NCOR2: variants seen among roughly 807,000 people sequenced by gnomAD.
The protein encoded by NCOR2 is CTG repeat protein 26.
Under a neutral mutation model 262.9 loss-of-function variants are expected in NCOR2, and 81 were observed. The observed-to-expected ratio is 0.31, with a 90% CI of 0.26 to 0.37. The LOEUF is 0.37. Ranked by LOEUF, NCOR2 falls within the 10% of genes least tolerant of loss-of-function variation. The probability of loss-of-function intolerance (pLI) is 1.00; values close to 1 mark genes in which losing one functional copy is unlikely to be tolerated. For synonymous variants in NCOR2, 1,659 were observed against 1,559.3 expected, an observed-to-expected ratio of 1.06 and a Z score of -1.51; for missense variants, 3,385 against 3,621.4, an observed-to-expected ratio of 0.93 and a Z score of 1.68.
At position 124,385,764 on chromosome 12, in the gene NCOR2, T is replaced by C. The variant is rs1565897083; in HGVS notation, c.2000A>G (p.Gln667Arg). 4.3e-6 allele frequency: 7 copies of C among 1,613,922 alleles called. No homozygotes were observed. Among genetic ancestry groups the C allele is most frequent in the Non-Finnish European group, 5.9e-6 (7 of 1,179,980 alleles). The change falls in exon 17 of 47, where the codon CAG (glutamine) becomes CGG (arginine). Residue 667 changes from glutamine (Q) to arginine (R), a missense_variant. By Grantham distance (43) the Gln-to-Arg change is conservative. This residue lies in a region of NCOR2 where 515 missense variants were observed against 781.2 expected (regional missense o/e 0.66). Coordinates refer to ENST00000405201, the Ensembl canonical transcript of NCOR2. Reference sequence around the variant, plus strand: ...GCTCACCATCTTCAGCTTGTGCTGCTGCAAGATCTCATCGAGGTTCTGCCT... The same window carrying C: ...GCTCACCATCTTCAGCTTGTGCTGCCGCAAGATCTCATCGAGGTTCTGCCT...
At position 124,342,995 on chromosome 12, in the gene NCOR2, G is replaced by C; in HGVS notation, c.4936+10C>G. On this transcript the variant is annotated intron_variant, in intron 33 of 46. Transcript: ENST00000405201. ...CCACTGCAGGGTTCTGGGAGCCCCA[G>C]GGCAATCACCTGCGTCCAGAGGGAT... 1 of 1,610,052 alleles carries C rather than the reference G, an allele frequency of 6.2e-7. No homozygotes were observed. The highest frequency in any genetic ancestry group is 1.1e-5 in the South Asian group (1 of 90,912).
rs376296357 is a variant in NCOR2 at position 124,483,319 on chromosome 12, G to A, written c.411+277C>T. Among the ~76,000 whole-genome samples the A allele has an allele frequency of 1.2e-4, 18 of 151,992 alleles. No individual in the cohort carries two copies. Among genetic ancestry groups the A allele is most frequent in the Admixed American group, 5.2e-4 (8 of 15,274 alleles). On this transcript the variant is annotated intron_variant, in intron 3 of 46. Coordinates refer to ENST00000405201, the Ensembl canonical transcript of NCOR2. The surrounding 1 kb of genome is among the most constrained non-coding windows in gnomAD (Gnocchi z 6.3). ...TCCCCTCCCTCACGCCAGCTACCCCGTGACCACAAGCCTATTCCTGCCCCA... is the reference window on the plus strand; with the variant it reads ...TCCCCTCCCTCACGCCAGCTACCCCATGACCACAAGCCTATTCCTGCCCCA...
Position 124,479,400 on chromosome 12 carries a change from C to A in NCOR2, c.411+4196G>T, listed in dbSNP as rs191766562. 3.9e-5 allele frequency among the ~76,000 whole-genome samples: 6 copies of A among 152,062 alleles called. No individual in the cohort carries two copies. The East Asian group carries it at 1.2e-3, about 29-fold the overall frequency. ...ACACACACAAACACGCATGGACACA[C>A]GCACGCACACACAGGTACATGCACG... On this transcript the variant is annotated intron_variant, in intron 3 of 46. Coordinates refer to ENST00000405201, the Ensembl canonical transcript of NCOR2.
chr12:124,513,432 A>G (rs1479654672), intron 1 of NCOR2: 1 of 152,232 alleles, frequency 6.6e-6, no homozygotes, highest in Non-Finnish European at 1.5e-5. Flanking sequence ...GCCAGTTCTG[A>G]GCCAGATCCC....
At chr12:124,342,849 T>G (rs1490221587) in intron 33 of NCOR2, among the ~76,000 whole-genome samples, 156 bp downstream of exon 35, 1 of 152,216 alleles carries the variant, frequency 6.6e-6, no homozygotes, top group African/African-American at 2.4e-5. Context: ...CCTAAGCTCA[T>G]GATTACACTG....
chr12:124,388,530 G>A (rs1016304771), intron 16 of NCOR2, among the ~76,000 whole-genome samples: 7 of 152,126 alleles, frequency 4.6e-5, no homozygotes, highest in Non-Finnish European at 1.0e-4. Flanking sequence ...AGAGGAGAGG[G>A]CATGGGGGAA....
chr12:124,402,437 G>A lies in NCOR2; in HGVS notation c.1607C>T (p.Pro536Leu), dbSNP rs200279477. ...GTCTTCCTTGTCGTTCTCCACCTCC[G>A]GCTTCTCCTCCTCCTTCTCCGCCTC... Residue 536 changes from proline (P) to leucine (L), a missense_variant, in exon 14 of 47, where the codon CCG becomes CTG. This residue lies in a region of NCOR2 where 515 missense variants were observed against 781.2 expected (regional missense o/e 0.66). Transcript: ENST00000405201. The A allele has an allele frequency of 3.5e-4, 568 of 1,613,978 alleles. 2 individuals are homozygous for A. The Middle Eastern group carries it at 4.8e-3, about 14-fold the overall frequency.
intron 13 of NCOR2, among the ~76,000 whole-genome samples, chr12:124,403,771 G>A (rs1444293520): frequency 1.3e-5 from 2 of 152,120 alleles, no homozygotes; most frequent in African/African-American, 4.8e-5. Flanking sequence ...CGCACACAAC[G>A]CTCTCTCCAG....
At chr12:124,372,073 G>A in exon 20 of NCOR2, 1 of 1,604,322 alleles carries the variant, frequency 6.2e-7, no homozygotes, top group Non-Finnish European at 8.5e-7. Flanking sequence ...ACTGCAGGTA[G>A]CACTGGAGTC....
intron 1 of NCOR2, among the ~76,000 whole-genome samples, chr12:124,506,590 G>A (rs1292351915): frequency 1.3e-5 from 2 of 148,538 alleles, no homozygotes; most frequent in Non-Finnish European, 3.0e-5. Flanking sequence ...GAGAAGCCCT[G>A]CACGGGGAGC....
chr12:124,455,142 A>C (rs1339672735), intron 6 of NCOR2, among the ~76,000 whole-genome samples: 1 of 152,214 alleles, frequency 6.6e-6, no homozygotes, highest in African/African-American at 2.4e-5. Context: ...AGATGATGGA[A>C]TGTTCTAAAA....
Position 124,327,325 on chromosome 12 carries a change from G to A in NCOR2, c.7183+84C>T, listed in dbSNP as rs1486565949. On this transcript the variant is annotated intron_variant, in intron 45 of 46. Coordinates refer to ENST00000405201, the Ensembl canonical transcript of NCOR2. ...ACAAGCTCCAAAGCTCGAGGAGGGGGTTGTCAGAGGAGCGCGGAGGAGCGA... is the reference window on the plus strand; with the variant it reads ...ACAAGCTCCAAAGCTCGAGGAGGGGATTGTCAGAGGAGCGCGGAGGAGCGA... 5.5e-6 allele frequency: 6 copies of A among 1,091,652 alleles called. No homozygotes were observed. The East Asian group carries it at 1.0e-4, about 19-fold the overall frequency. 67.6% of individuals were successfully genotyped at this position (1,091,652 alleles called of 1,614,324 possible). A position where few individuals can be genotyped will look rare whatever the true frequency, so the allele number is the denominator to read the frequency against.
chr12:124,337,134 G>T (rs780495645), exon 38 of NCOR2: 1 of 1,515,162 alleles, frequency 6.6e-7, no homozygotes, highest in East Asian at 2.4e-5. Flanking sequence ...TGGGTGGCAG[G>T]TGGGAATGTG....
chr12:124,515,719 GGTGT>G (rs1050684413), intron 1 of NCOR2, among the ~76,000 whole-genome samples: 3 of 151,424 alleles, frequency 2.0e-5, no homozygotes, highest in Non-Finnish European at 3.0e-5. Flanking sequence ...CTGTGTGTAT[GGTGT>G]GTATGTTCAC....
chr12:124,374,544 G>A, intron 18 of NCOR2, 81 bp from the exon 21 acceptor site: 2 of 1,356,770 alleles, frequency 1.5e-6, no homozygotes, highest in Middle Eastern at 1.8e-4. Context: ...GTGGCCAAGA[G>A]GGGCCTGAAG....
intron 1 of NCOR2, among the ~76,000 whole-genome samples, chr12:124,532,588 C>T (rs976319692): frequency 2.6e-5 from 4 of 152,200 alleles, no homozygotes; most frequent in Non-Finnish European, 4.4e-5. Context: ...TGGATCGCCC[C>T]GGCAGAGGAA....
chr12:124,473,178 C>T (rs779676347), intron 3 of NCOR2, 47 bp from the exon 6 acceptor site: 21 of 1,602,188 alleles, frequency 1.3e-5, no homozygotes, highest in Non-Finnish European at 1.8e-5. Context: ...GGGGACACCC[C>T]CCAGTCTGTA....
At chr12:124,400,751 TTAGC>T in intron 14 of NCOR2, 78 bp from the exon 17 acceptor site, 11 of 1,542,148 alleles carry the variant, frequency 7.1e-6, no homozygotes, top group Non-Finnish European at 8.9e-6. Flanking sequence ...GACTGTTTCT[TTAGC>T]TGGATTTGCA....
chr12:124,341,731 G>A (rs2036478038), intron 34 of NCOR2, 92 bp downstream of exon 36: 1 of 1,525,036 alleles, frequency 6.6e-7, no homozygotes, highest in Admixed American at 1.8e-5. Context: ...AAGGTGACCA[G>A]GTCTAGCTGC....
Sources: gnomAD v4.1 joint callset for allele counts (sites outside exome capture counted in the v4.1 genomes callset) on GRCh38, gnomAD v4.1.1 for gene constraint, gnomAD v4.1.1 regional missense constraint, Gnocchi (gnomAD v3.1) non-coding constraint, MANE v1.5 for transcripts, NCBI Gene and HGNC (gene_info 2026-07-23, HGNC 2026-07-21) for gene names.